The following PCDH15 variants were observed in gnomAD, a reference collection of about 807,000 sequenced individuals.
The protein encoded by PCDH15 is protocadherin related 15.
A neutral mutation model predicts 178.5 loss-of-function variants in PCDH15; 129 were observed. The ratio of observed to expected loss-of-function variants is 0.72; its 90% CI spans 0.63 to 0.84. The LOEUF (loss-of-function observed/expected upper bound fraction) is 0.84, where lower values mean the gene tolerates loss of function less well. PCDH15 is among the 40% of genes least tolerant of loss of function. The pLI is 0.00. For missense variants in PCDH15, 2,230 were observed against 2,099.9 expected, an observed-to-expected ratio of 1.06 and a Z score of -1.21; for synonymous variants, 800 against 732.0, an observed-to-expected ratio of 1.09 and a Z score of -1.50.
rs150745528 is a variant in PCDH15 at position 54,683,269 on chromosome 10, C to G, written c.-28-18979G>C. 9.8e-3 allele frequency among the ~76,000 whole-genome samples: 1,483 copies of G among 151,926 alleles called. 23 individuals carry two copies. Among genetic ancestry groups the G allele is most frequent in the African/African-American group, 0.033 (1,374 of 41,446 alleles). ...TAAGGACATTCACATTGTTGTGTAGCCATCACCACCATCCATCTTCAGAAC... is the reference window on the plus strand; with the variant it reads ...TAAGGACATTCACATTGTTGTGTAGGCATCACCACCATCCATCTTCAGAAC... On this transcript the variant is annotated intron_variant, in intron 1 of 37. Coordinates refer to ENST00000644397, the MANE Select transcript of PCDH15 (RefSeq NM_001384140.1).
chr10:54,472,089 G>T (rs1024911723), intron 3 of PCDH15, among the ~76,000 whole-genome samples: 1 of 152,046 alleles, frequency 6.6e-6, no homozygotes, highest in Non-Finnish European at 1.5e-5. Context: ...TATGAATAAG[G>T]TCTAAAAGAG....
chr10:54,045,628 G>C (rs7917557), intron 18 of PCDH15, among the ~76,000 whole-genome samples: 1 of 151,778 alleles, frequency 6.6e-6, no homozygotes, highest in Non-Finnish European at 1.5e-5. Flanking sequence ...TATGTATTGC[G>C]AGTCAGTGGG....
chr10:54,751,746 G>T (rs1946254925), intron 1 of PCDH15, among the ~76,000 whole-genome samples: 1 of 151,986 alleles, frequency 6.6e-6, no homozygotes, highest in Non-Finnish European at 1.5e-5. Context: ...CAATCTAAAG[G>T]ATGAAAGATA....
chr10:54,571,244 T>C (rs2089787914), intron 2 of PCDH15, among the ~76,000 whole-genome samples: 1 of 148,228 alleles, frequency 6.7e-6, no homozygotes, highest in African/African-American at 2.5e-5. Context: ...ACCTGGGGCT[T>C]AAAAGAGCAG....
intron 1 of PCDH15, among the ~76,000 whole-genome samples, chr10:55,263,794 G>A (rs183681182): frequency 1.3e-5 from 2 of 152,188 alleles, no homozygotes; most frequent in East Asian, 3.9e-4. Context: ...GAGTGCAGTG[G>A]TGCGATCTCG....
rs1345760780 is a variant in PCDH15 at position 54,421,855 on chromosome 10, ATATATATACACACAC to A, written c.158-42928_158-42914del. Among the ~76,000 whole-genome samples, 906 of 92,422 alleles carry A rather than the reference ATATATATACACACAC, an allele frequency of 9.8e-3. 24 individuals carry two copies. Among genetic ancestry groups the A allele is most frequent in the African/African-American group, 0.026 (578 of 21,838 alleles). The allele number at this position is 92,422 out of a possible 152,430, so 60.6% of individuals were successfully genotyped here. A position where few individuals can be genotyped will look rare whatever the true frequency, so the allele number is the denominator to read the frequency against. On this transcript the variant is annotated intron_variant, in intron 3 of 37. Transcript: ENST00000644397. ...ATATATATACACACACACTATATATATATATATACACACACTATATATATATATACACACACACAC... is the reference window on the plus strand; with the variant it reads ...ATATATATACACACACACTATATATATATATATATATATACACACACACAC...
chr10:55,016,963 C>CAA (rs5785111), intron 2 of PCDH15, among the ~76,000 whole-genome samples: 2 of 14,416 alleles, frequency 1.4e-4, no homozygotes, highest in East Asian at 0.014. Context: ...CAGTTACACT[C>CAA]ACACACACAC....
At chr10:55,338,413 A>G (rs1342456475) in intron 2 of PCDH15, among the ~76,000 whole-genome samples, 1 of 152,218 alleles carries the variant, frequency 6.6e-6, no homozygotes, top group Non-Finnish European at 1.5e-5. Flanking sequence ...CTATCAACAG[A>G]TAAATCAATA....
At chr10:55,517,632 G>A (rs1341759050) in intron 2 of PCDH15, among the ~76,000 whole-genome samples, 1 of 152,074 alleles carries the variant, frequency 6.6e-6, no homozygotes, top group Admixed American at 6.6e-5. Context: ...ATGCGTTCCA[G>A]CAATTGCACT....
chr10:54,109,978 A>C (rs2094986716), intron 15 of PCDH15, among the ~76,000 whole-genome samples: 1 of 152,238 alleles, frequency 6.6e-6, no homozygotes, highest in Admixed American at 6.5e-5. Flanking sequence ...TACCCACAAA[A>C]ATTAAAAATG....
intron 2 of PCDH15, among the ~76,000 whole-genome samples, chr10:55,613,714 A>C (rs1843417363): frequency 6.6e-6 from 1 of 152,076 alleles, no homozygotes; most frequent in African/African-American, 2.4e-5. Context: ...TTTTTTTCTT[A>C]CTCTCTAGAA....
chr10:54,109,929 C>A (rs576985415), intron 15 of PCDH15, among the ~76,000 whole-genome samples: 33 of 152,202 alleles, frequency 2.2e-4, no homozygotes, highest in Middle Eastern at 3.4e-3. Flanking sequence ...GCACTGCATT[C>A]CTGTATCAAA....
At chr10:54,598,666 G>A (rs1332295413) in intron 2 of PCDH15, among the ~76,000 whole-genome samples, 1 of 152,100 alleles carries the variant, frequency 6.6e-6, no homozygotes, top group Non-Finnish European at 1.5e-5. Flanking sequence ...ATCCAAATAG[G>A]AGGAGAGGAA....
chr10:54,428,617 C>A (rs886086510), intron 3 of PCDH15, among the ~76,000 whole-genome samples: 17 of 152,048 alleles, frequency 1.1e-4, no homozygotes, highest in African/African-American at 4.1e-4. Context: ...CATCTCAGAG[C>A]CAACGGGCAT....
At chr10:54,179,538 G>A (rs1029239637) in intron 13 of PCDH15, among the ~76,000 whole-genome samples, 3 of 151,634 alleles carry the variant, frequency 2.0e-5, no homozygotes, top group Non-Finnish European at 4.4e-5. Flanking sequence ...CCTGCACATT[G>A]TGCACATGTA....
At chr10:54,948,584 GT>G (rs1433152010) in intron 2 of PCDH15, among the ~76,000 whole-genome samples, 5 of 151,976 alleles carry the variant, frequency 3.3e-5, no homozygotes, top group Admixed American at 3.3e-4. Flanking sequence ...TATCCAATCT[GT>G]TGAGGATCCC....
At chr10:54,571,424 G>A (rs2089827651) in intron 2 of PCDH15, among the ~76,000 whole-genome samples, 1 of 150,618 alleles carries the variant, frequency 6.6e-6, no homozygotes, top group Non-Finnish European at 1.5e-5. Flanking sequence ...TTTCTGTTCA[G>A]TATTTCAGTA....
At chr10:55,088,344 C>G (rs1420166661) in intron 2 of PCDH15, among the ~76,000 whole-genome samples, 33 of 151,908 alleles carry the variant, frequency 2.2e-4, no homozygotes, top group Non-Finnish European at 1.5e-5. Flanking sequence ...TCTTGGCTCA[C>G]TGCAACCTCC....
rs138672622 is a variant in PCDH15 at position 55,266,605 on chromosome 10, C to T, written c.-156+52994G>A. ...CCTGTACCTGTAAAAACCCTGAGACCCTTGCGGGCAGAGATTCACAAGCAG... is the reference window on the plus strand; with the variant it reads ...CCTGTACCTGTAAAAACCCTGAGACTCTTGCGGGCAGAGATTCACAAGCAG... On this transcript the variant is annotated intron_variant, in intron 1 of 5. Coordinates refer to the PCDH15 transcript ENST00000458638. Among the ~76,000 whole-genome samples, 303 of 152,246 alleles carry T rather than the reference C, an allele frequency of 2.0e-3. 1 individual carries two copies. The highest frequency in any genetic ancestry group is 3.5e-3 in the Non-Finnish European group (240 of 68,018).
Sources: allele counts gnomAD v4.1 joint callset (sites outside exome capture counted in the v4.1 genomes callset), GRCh38; gene constraint gnomAD v4.1.1; transcripts MANE v1.5; gene names NCBI Gene and HGNC (gene_info 2026-07-23, HGNC 2026-07-21).